Variants in PAPPA2 observed in about 807,000 individuals in gnomAD.
The protein encoded by PAPPA2 is pappalysin-2.
In PAPPA2, 86 loss-of-function variants were observed where a neutral mutation model predicts 176.4. The observed-to-expected ratio is 0.49, with a 90% confidence interval of 0.41 to 0.58. The LOEUF (loss-of-function observed/expected upper bound fraction) is 0.58, where lower values mean the gene tolerates loss of function less well. PAPPA2 is among the 20% of genes least tolerant of loss of function. PAPPA2 has a pLI of 0.00. For synonymous variants in PAPPA2, 809 were observed against 852.2 expected (o/e 0.95, Z 0.88); for missense variants, 2,073 against 2,256.9 (o/e 0.92, Z 1.65).
chr1:176,708,257 A>T (rs1161153805), intron 10 of PAPPA2, among the ~76,000 whole-genome samples: 3 of 152,154 alleles, frequency 2.0e-5, no homozygotes, highest in Admixed American at 6.6e-5. Context: ...TGTTTTAACT[A>T]TACAGGGTAA....
At chr1:176,761,183 G>A (rs1663683237) in intron 14 of PAPPA2, among the ~76,000 whole-genome samples, 1 of 152,168 alleles carries the variant, frequency 6.6e-6, no homozygotes, top group African/African-American at 2.4e-5. Flanking sequence ...CAGAAAGAGA[G>A]TAGAGGCTTA....
chr1:176,660,336 TTGTGTGTGTG>T (rs34294866), intron 3 of PAPPA2, among the ~76,000 whole-genome samples: 176 of 122,028 alleles, frequency 1.4e-3, no homozygotes, highest in African/African-American at 4.7e-3. Flanking sequence ...AATTGTTTGT[TTGTGTGTGTG>T]TGTGTGTGTG....
In PAPPA2 at chr1:176,594,673, A is replaced by G. The variant is rs1653857682; in HGVS notation, c.1069A>G (p.Ser357Gly). 1.2e-6 allele frequency: 2 copies of G among 1,614,076 alleles called. No homozygotes were observed. Among genetic ancestry groups the G allele is most frequent in the Non-Finnish European group, 8.5e-7 (1 of 1,180,040 alleles). The change falls in exon 3 of 23, where the codon AGT becomes GGT. Residue 357 changes from serine (S) to glycine (G), a missense_variant. Ser to Gly is a moderately conservative substitution (Grantham distance 56). This residue lies in a region of PAPPA2 where 1,196 missense variants were observed against 1,330.4 expected (regional missense o/e 0.90). Coordinates refer to ENST00000367662, the MANE Select transcript of PAPPA2 (RefSeq NM_020318.3). ...VKKATILISH[S>G]RYQPGTWTHV... ...GAAAGCCACCATCTTGATTAGCCAC[A>G]GTCGCTACCAACCAGGCACATGGAC...
chr1:176,799,278 A>G lies in PAPPA2; in HGVS notation c.5131-783A>G, dbSNP rs1665568954. On this transcript the variant is annotated intron_variant, in intron 20 of 22. Coordinates refer to ENST00000367662, the MANE Select transcript of PAPPA2 (RefSeq NM_020318.3). ...AATTTTAAACTATAAAAAGAAAAAG[A>G]AAAAAGTTTTGTGAAAATGAGTTAT... Among the ~76,000 whole-genome samples, 4 of 152,262 alleles carry G rather than the reference A, an allele frequency of 2.6e-5. No homozygotes were observed. The South Asian group carries it at 8.3e-4, about 31-fold the overall frequency.
chr1:176,626,555 GTTAT>G (rs1287611091), intron 3 of PAPPA2, among the ~76,000 whole-genome samples: 2 of 152,150 alleles, frequency 1.3e-5, no homozygotes, highest in Admixed American at 6.6e-5. Flanking sequence ...ATTGAAGGTG[GTTAT>G]TTATTTTACA....
chr1:176,833,544 G>T (rs1667156356), intron 21 of PAPPA2, among the ~76,000 whole-genome samples: 2 of 152,122 alleles, frequency 1.3e-5, no homozygotes, highest in Non-Finnish European at 2.9e-5. Flanking sequence ...TTTCTGCTCT[G>T]GTTTACAGTT....
intron 17 of PAPPA2, among the ~76,000 whole-genome samples, chr1:176,777,877 C>T (rs1345179810): frequency 1.3e-5 from 2 of 151,836 alleles, no homozygotes; most frequent in African/African-American, 2.4e-5. Context: ...ATAATTTCTA[C>T]CAGGTTAATG....
chr1:176,538,932 C>T (rs894462731), intron 1 of PAPPA2, among the ~76,000 whole-genome samples: 7 of 152,126 alleles, frequency 4.6e-5, no homozygotes, highest in Admixed American at 3.3e-4. Context: ...GTTGACATAA[C>T]CTTTAAGGAT....
At chr1:176,532,740 T>C (rs1055776835) in intron 1 of PAPPA2, among the ~76,000 whole-genome samples, 43 of 152,298 alleles carry the variant, frequency 2.8e-4, no homozygotes, top group African/African-American at 9.6e-4. Context: ...TGCCTGACAC[T>C]CACACAGCCA....
intron 21 of PAPPA2, among the ~76,000 whole-genome samples, chr1:176,802,406 G>T (rs1400313372): frequency 1.3e-5 from 2 of 152,134 alleles, no homozygotes; most frequent in African/African-American, 4.8e-5. Context: ...GCTGAAACTG[G>T]CATGCTCTAG....
chr1:176,723,887 C>CTATT (rs1273757757), intron 12 of PAPPA2, among the ~76,000 whole-genome samples: 6 of 152,106 alleles, frequency 3.9e-5, no homozygotes, highest in African/African-American at 4.8e-5. Flanking sequence ...TTCTCATGCA[C>CTATT]TATTTGCATT....
chr1:176,680,677 T>C (rs989152826), intron 4 of PAPPA2, among the ~76,000 whole-genome samples: 1 of 152,204 alleles, frequency 6.6e-6, no homozygotes, highest in Non-Finnish European at 1.5e-5. Flanking sequence ...TCATTTGCAA[T>C]GATTACTCTT....
chr1:176,820,354 G>A (rs770075210), intron 21 of PAPPA2, among the ~76,000 whole-genome samples: 12 of 152,034 alleles, frequency 7.9e-5, no homozygotes, highest in Non-Finnish European at 2.9e-5. Flanking sequence ...GGCTTTTCTC[G>A]GGCTTGTTTT....
At chr1:176,498,349 T>C (rs556366150) in intron 1 of PAPPA2, among the ~76,000 whole-genome samples, 2 of 152,252 alleles carry the variant, frequency 1.3e-5, no homozygotes, top group East Asian at 3.9e-4. Flanking sequence ...GCCACAGAGA[T>C]TCATCCCAGC....
intron 1 of PAPPA2, among the ~76,000 whole-genome samples, chr1:176,515,754 T>C (rs1346482851): frequency 6.6e-6 from 1 of 152,016 alleles, no homozygotes; most frequent in Non-Finnish European, 1.5e-5. Context: ...AGAGAGTGAG[T>C]TCCTTACCAC....
Position 176,699,161 on chromosome 1 carries a change from C to A in PAPPA2, c.2808C>A (p.His936Gln). 6.2e-7 allele frequency: 1 copy of A among 1,614,120 alleles called. No individual in the cohort carries two copies. The highest frequency in any genetic ancestry group is 8.5e-7 in the Non-Finnish European group (1 of 1,180,004). Reference protein sequence around the residue: ...PSLQAWSPEVHLYHMNMTVPC... With the variant: ...PSLQAWSPEVQLYHMNMTVPC... ...TACAGGCCTGGAGCCCTGAGGTCCA[C>A]CTGTACCACATGAACATGACGGTCC... The change falls in exon 8 of 23, where the codon CAC becomes CAA. Residue 936 changes from histidine to glutamine, a missense_variant. By Grantham distance (24) the His-to-Gln change is conservative (BLOSUM62 0). Coordinates refer to ENST00000367662, the MANE Select transcript of PAPPA2 (RefSeq NM_020318.3).
chr1:176,549,653 G>A (rs1325721620), intron 1 of PAPPA2, among the ~76,000 whole-genome samples: 1 of 152,168 alleles, frequency 6.6e-6, no homozygotes, highest in Non-Finnish European at 1.5e-5. Flanking sequence ...CATCCAGCCC[G>A]GCTCTAAGGG....
intron 12 of PAPPA2, among the ~76,000 whole-genome samples, chr1:176,735,417 G>A (rs1662352685): frequency 6.6e-6 from 1 of 152,110 alleles, no homozygotes; most frequent in Non-Finnish European, 1.5e-5. Flanking sequence ...TTGTGGTAGA[G>A]TTTCAGGATC....
intron 1 of PAPPA2, among the ~76,000 whole-genome samples, chr1:176,532,789 G>A (rs1558420845): frequency 6.6e-6 from 1 of 152,154 alleles, no homozygotes; most frequent in Non-Finnish European, 1.5e-5. Context: ...ACCTGACTTT[G>A]TTCTCGGCTC....
Sources: allele counts gnomAD v4.1 joint callset (sites outside exome capture counted in the v4.1 genomes callset), GRCh38; gene constraint gnomAD v4.1.1; regional missense constraint gnomAD v4.1.1; transcripts MANE v1.5; gene names NCBI Gene and HGNC (gene_info 2026-07-23, HGNC 2026-07-21).